AFG2A: variants seen among roughly 807,000 people sequenced by gnomAD.
AFG2A encodes ATPase family gene 2 protein homolog A.
chr4:123,079,427 T>C, the AFG2A span, among the ~76,000 whole-genome samples: 1 of 152,158 alleles, frequency 6.6e-6, no homozygotes, highest in African/African-American at 2.4e-5. Flanking sequence ...TAGCTCCTGT[T>C]AGAAGGCAAA....
the AFG2A span, among the ~76,000 whole-genome samples, chr4:123,263,205 C>T: frequency 6.6e-6 from 1 of 152,206 alleles, no homozygotes; most frequent in African/African-American, 2.4e-5. Flanking sequence ...AAAGCCACCA[C>T]TAGCTAGCCT....
chr4:123,123,673 C>T, the AFG2A span, among the ~76,000 whole-genome samples: 2 of 151,874 alleles, frequency 1.3e-5, no homozygotes, highest in African/African-American at 4.8e-5. Context: ...AACGGCCGGG[C>T]GCGGTGGCTC....
At chr4:123,292,410 G>A in the AFG2A span, among the ~76,000 whole-genome samples, 2 of 152,272 alleles carry the variant, frequency 1.3e-5, no homozygotes, top group African/African-American at 4.8e-5. Flanking sequence ...TGGGAGGTTA[G>A]TGAGATCTTT....
the AFG2A span, among the ~76,000 whole-genome samples, chr4:122,988,814 C>A: frequency 6.6e-6 from 1 of 152,084 alleles, no homozygotes; most frequent in Non-Finnish European, 1.5e-5. Context: ...TTTCACTCTT[C>A]ATTCTTTTTT....
the AFG2A span, chr4:122,938,359 A>G: frequency 4.9e-6 from 6 of 1,224,314 alleles, no homozygotes; most frequent in Middle Eastern, 2.1e-4. Context: ...AGGATAAAGG[A>G]AAAATATTAG....
At chr4:123,272,892 G>C in the AFG2A span, among the ~76,000 whole-genome samples, 1 of 152,134 alleles carries the variant, frequency 6.6e-6, no homozygotes, top group African/African-American at 2.4e-5. Flanking sequence ...GAAGAGACTT[G>C]AACATGTTTA....
At chr4:123,093,117 T>C in the AFG2A span, among the ~76,000 whole-genome samples, 2 of 152,180 alleles carry the variant, frequency 1.3e-5, no homozygotes, top group African/African-American at 2.4e-5. Context: ...AGCCCCAGAA[T>C]TGGGACATAG....
At chr4:123,179,642 G>T in the AFG2A span, among the ~76,000 whole-genome samples, 1 of 152,192 alleles carries the variant, frequency 6.6e-6, no homozygotes, top group Non-Finnish European at 1.5e-5. Flanking sequence ...GGGATTACAG[G>T]CGTGAGCCAC....
At chr4:123,066,579 A>T in the AFG2A span, among the ~76,000 whole-genome samples, 42 of 152,128 alleles carry the variant, frequency 2.8e-4, no homozygotes, top group Non-Finnish European at 7.4e-5. Flanking sequence ...GAAAAAGTAC[A>T]TTTATTTCAG....
chr4:123,183,029 A>G, the AFG2A span, among the ~76,000 whole-genome samples: 3 of 152,234 alleles, frequency 2.0e-5, no homozygotes, highest in African/African-American at 7.2e-5. Flanking sequence ...TTGAAAAACC[A>G]AGGATTTCCT....
chr4:123,059,010 G>A, the AFG2A span, among the ~76,000 whole-genome samples: 3 of 152,062 alleles, frequency 2.0e-5, no homozygotes, highest in African/African-American at 7.2e-5. Flanking sequence ...AGGTACTATG[G>A]GGGTACAGGC....
At chr4:123,128,239 C>T in the AFG2A span, among the ~76,000 whole-genome samples, 1 of 152,014 alleles carries the variant, frequency 6.6e-6, no homozygotes, top group Non-Finnish European at 1.5e-5. Context: ...CGTTTATTAA[C>T]TTTTCATGCG....
the AFG2A span, among the ~76,000 whole-genome samples, chr4:123,090,380 T>C: frequency 1.7e-4 from 26 of 152,304 alleles, no homozygotes; most frequent in Non-Finnish European, 1.9e-4. Context: ...ACATGGTTGA[T>C]GATAGAGGAA....
the AFG2A span, among the ~76,000 whole-genome samples, chr4:122,954,823 T>C: frequency 1.6e-4 from 8 of 51,246 alleles, no homozygotes; most frequent in Non-Finnish European, 6.0e-4. Context: ...TTTGCTTAGT[T>C]AGATCCACCC....
the AFG2A span, among the ~76,000 whole-genome samples, chr4:122,989,527 G>T: frequency 6.6e-6 from 1 of 152,222 alleles, no homozygotes; most frequent in Admixed American, 6.5e-5. Flanking sequence ...ACTGAGGTGG[G>T]CCTTGAATTC....
At chr4:123,293,502 C>G in the AFG2A span, among the ~76,000 whole-genome samples, 2 of 152,286 alleles carry the variant, frequency 1.3e-5, no homozygotes, top group South Asian at 4.1e-4. Context: ...TGCTGCTTCT[C>G]TAGGTATAGC....
At chr4:123,146,160 G>T in the AFG2A span, among the ~76,000 whole-genome samples, 1 of 152,082 alleles carries the variant, frequency 6.6e-6, no homozygotes, top group Admixed American at 6.6e-5. Flanking sequence ...ATTTAAATAT[G>T]AGGGAGAAGT....
the AFG2A span, among the ~76,000 whole-genome samples, chr4:123,265,238 C>A: frequency 6.6e-6 from 1 of 152,002 alleles, no homozygotes; most frequent in African/African-American, 2.4e-5. Context: ...AACAGCTAAT[C>A]AAGTTCACTA....
the AFG2A span, among the ~76,000 whole-genome samples, chr4:122,942,854 C>T: frequency 4.0e-5 from 6 of 151,196 alleles, no homozygotes; most frequent in African/African-American, 1.5e-4. Flanking sequence ...TCGTTGGTTT[C>T]AAAGAACATC....
Sources: gnomAD v4.1 joint callset for allele counts (sites outside exome capture counted in the v4.1 genomes callset) on GRCh38, gnomAD v4.1.1 for gene constraint, MANE v1.5 for transcripts, NCBI Gene and HGNC (gene_info 2026-07-23, HGNC 2026-07-21) for gene names.